The following PIERCE2 variants were observed in gnomAD, a reference collection of about 807,000 sequenced individuals.
PIERCE2 encodes piercer of microtubule wall 2 protein.
the PIERCE2 span, among the ~76,000 whole-genome samples, chr15:55,408,957 A>C: frequency 1.3e-5 from 2 of 152,264 alleles, no homozygotes; most frequent in African/African-American, 4.8e-5. Flanking sequence ...TTAAGTCCGA[A>C]TAGCCTCTGA....
the PIERCE2 span, among the ~76,000 whole-genome samples, chr15:55,412,887 T>C: frequency 6.6e-6 from 1 of 152,138 alleles, no homozygotes; most frequent in East Asian, 1.9e-4. Flanking sequence ...CCCAGTGCTG[T>C]GGGAAGCCAA....
At chr15:55,409,278 G>A in the PIERCE2 span, among the ~76,000 whole-genome samples, 1 of 151,918 alleles carries the variant, frequency 6.6e-6, no homozygotes, top group Non-Finnish European at 1.5e-5. Context: ...GGTGGCGCGG[G>A]CCTGTAATCC....
chr15:55,415,438 G>C, the PIERCE2 span, among the ~76,000 whole-genome samples: 1 of 146,812 alleles, frequency 6.8e-6, no homozygotes, highest in African/African-American at 2.5e-5. Flanking sequence ...CCTGGGGGAC[G>C]AGAGTGAAAC....
At chr15:55,411,659 C>T in the PIERCE2 span, among the ~76,000 whole-genome samples, 1 of 152,016 alleles carries the variant, frequency 6.6e-6, no homozygotes, top group African/African-American at 2.4e-5. Context: ...CGGTGGCTCA[C>T]GCTTGTAATT....
the PIERCE2 span, among the ~76,000 whole-genome samples, chr15:55,413,907 T>TC: frequency 6.6e-6 from 1 of 151,868 alleles, no homozygotes; most frequent in African/African-American, 2.4e-5. Context: ...GAAATGCTTT[T>TC]TTTTTTTTGA....
At chr15:55,415,392 G>C in the PIERCE2 span, among the ~76,000 whole-genome samples, 1 of 150,706 alleles carries the variant, frequency 6.6e-6, no homozygotes, top group Admixed American at 6.7e-5. Flanking sequence ...GAAGGCGGAG[G>C]TTGCAGTGAG....
chr15:55,417,504 T>A, the PIERCE2 span, among the ~76,000 whole-genome samples: 1 of 152,182 alleles, frequency 6.6e-6, no homozygotes, highest in Admixed American at 6.6e-5. Context: ...GCTGCCCACA[T>A]ACCCAGGCTA....
chr15:55,418,726 A>C, the PIERCE2 span: 56 of 539,814 alleles, frequency 1.0e-4, no homozygotes, highest in Non-Finnish European at 1.5e-4. Context: ...CATGACAGTG[A>C]CTTTTTAAAT....
At chr15:55,418,253 G>C in the PIERCE2 span, 2 of 1,558,554 alleles carry the variant, frequency 1.3e-6, no homozygotes, top group Middle Eastern at 3.4e-4. Flanking sequence ...TTCAAATTCA[G>C]ACACAGAAAT....
At chr15:55,409,919 T>A in the PIERCE2 span, among the ~76,000 whole-genome samples, 1 of 152,228 alleles carries the variant, frequency 6.6e-6, no homozygotes, top group East Asian at 1.9e-4. Flanking sequence ...TTAACCTTTT[T>A]ATCATTTAAT....
At chr15:55,408,649 C>A in the PIERCE2 span, 3 of 644,424 alleles carry the variant, frequency 4.7e-6, no homozygotes, top group African/African-American at 3.6e-5. Flanking sequence ...TATTCATCTT[C>A]TGTTTGCTGC....
chr15:55,408,928 C>T, the PIERCE2 span: 10 of 584,654 alleles, frequency 1.7e-5, no homozygotes, highest in East Asian at 2.9e-4. Flanking sequence ...TACATTTACA[C>T]TTGTAAATGC....
chr15:55,418,104 A>G, the PIERCE2 span: 2 of 1,585,912 alleles, frequency 1.3e-6, no homozygotes, highest in Non-Finnish European at 1.7e-6. Context: ...CAGAGGCCTG[A>G]CATTCAATGC....
At chr15:55,418,683 A>G in the PIERCE2 span, 4 of 733,674 alleles carry the variant, frequency 5.5e-6, no homozygotes, top group Middle Eastern at 3.9e-4. Context: ...AATTTTTAAA[A>G]TAAGTTAAAT....
At chr15:55,414,603 G>A in the PIERCE2 span, among the ~76,000 whole-genome samples, 20 of 152,202 alleles carry the variant, frequency 1.3e-4, no homozygotes, top group Admixed American at 1.3e-3. Flanking sequence ...TTCCAGCTGG[G>A]CATGGTGGCT....
At chr15:55,416,107 G>C in the PIERCE2 span, among the ~76,000 whole-genome samples, 2 of 146,216 alleles carry the variant, frequency 1.4e-5, no homozygotes, top group Non-Finnish European at 3.1e-5. Flanking sequence ...TATATATATA[G>C]AGAGAGAGAG....
At chr15:55,418,113 G>T in the PIERCE2 span, 2 of 1,583,464 alleles carry the variant, frequency 1.3e-6, no homozygotes, top group East Asian at 2.2e-5. Context: ...GACATTCAAT[G>T]CCCTCAAGAG....
the PIERCE2 span, chr15:55,418,684 T>G: frequency 1.4e-6 from 1 of 733,774 alleles, no homozygotes; most frequent in Non-Finnish European, 2.1e-6. Context: ...ATTTTTAAAA[T>G]AAGTTAAATA....
chr15:55,416,109 G>T, the PIERCE2 span, among the ~76,000 whole-genome samples: 10,908 of 149,978 alleles, frequency 0.073, 432 homozygotes, highest in East Asian at 0.16. Flanking sequence ...TATATATAGA[G>T]AGAGAGAGAG....
Sources: gnomAD v4.1 joint callset for allele counts (sites outside exome capture counted in the v4.1 genomes callset) on GRCh38, gnomAD v4.1.1 for gene constraint, MANE v1.5 for transcripts, NCBI Gene and HGNC (gene_info 2026-07-23, HGNC 2026-07-21) for gene names.